Variants in PDE1A observed in about 807,000 individuals in gnomAD.
PDE1A encodes phosphodiesterase 1A.
In PDE1A, 35 loss-of-function variants were observed where a neutral mutation model predicts 61.7. The observed-to-expected ratio is 0.57, with a 90% CI of 0.43 to 0.75. The LOEUF is 0.75. Among genes scored for constraint, PDE1A ranks in the 30% least tolerant of loss-of-function variants. The pLI, the probability that PDE1A is intolerant of heterozygous loss-of-function variation, is 0.00. For synonymous variants in PDE1A, 232 were observed against 213.2 expected, an observed-to-expected ratio of 1.09 and a Z score of -0.77; for missense variants, 597 against 630.6, an observed-to-expected ratio of 0.95 and a Z score of 0.57.
intron 1 of PDE1A, among the ~76,000 whole-genome samples, chr2:182,338,624 A>C (rs1697989878): frequency 6.6e-6 from 1 of 151,950 alleles, no homozygotes; most frequent in African/African-American, 2.4e-5. Context: ...TCCCAGGTTC[A>C]GCCATTCTCC....
intron 13 of PDE1A, among the ~76,000 whole-genome samples, chr2:182,153,789 G>T (rs1315158563): frequency 1.3e-5 from 2 of 152,142 alleles, no homozygotes; most frequent in Admixed American, 6.6e-5. Flanking sequence ...ACATGGGGCT[G>T]CTCTGATTTC....
chr2:182,167,829 A>T, downstream of PDE1A: 7 of 705,116 alleles, frequency 9.9e-6, no homozygotes, highest in Non-Finnish European at 8.7e-6. Context: ...GTAAAAGATA[A>T]TTTTTTTTTT....
chr2:182,545,575 G>GT, the PDE1A span, among the ~76,000 whole-genome samples: 1 of 152,130 alleles, frequency 6.6e-6, no homozygotes, highest in African/African-American at 2.4e-5. Flanking sequence ...AGTCTTAACT[G>GT]TGACTAAGTA....
chr2:182,456,859 G>T (rs997776547), intron 2 of PDE1A, among the ~76,000 whole-genome samples: 1 of 152,024 alleles, frequency 6.6e-6, no homozygotes, highest in African/African-American at 2.4e-5. Context: ...ATATAAACAG[G>T]TTCTCTCCTA....
the PDE1A span, among the ~76,000 whole-genome samples, chr2:182,710,861 G>A: frequency 1.3e-5 from 2 of 152,104 alleles, no homozygotes; most frequent in Non-Finnish European, 2.9e-5. Context: ...CCACATCTAT[G>A]CTAACTCTAC....
At chr2:182,576,850 G>A in the PDE1A span, among the ~76,000 whole-genome samples, 160 of 152,238 alleles carry the variant, frequency 1.1e-3, no homozygotes, top group South Asian at 0.017. Context: ...TTTCTGTAAT[G>A]ATTGGTGATT....
At chr2:182,504,721 G>A (rs1286958429) in intron 2 of PDE1A, among the ~76,000 whole-genome samples, 1 of 152,152 alleles carries the variant, frequency 6.6e-6, no homozygotes, top group African/African-American at 2.4e-5. Context: ...CACTGTATGA[G>A]TATTTATCCC....
chr2:182,233,333 C>G (rs2125654592), intron 4 of PDE1A, among the ~76,000 whole-genome samples: 1 of 152,102 alleles, frequency 6.6e-6, no homozygotes, highest in Non-Finnish European at 1.5e-5. Flanking sequence ...ACTGTTCCAC[C>G]TCATCAGCAG....
the PDE1A span, among the ~76,000 whole-genome samples, chr2:182,709,870 C>A: frequency 6.6e-6 from 1 of 152,114 alleles, no homozygotes; most frequent in Admixed American, 6.5e-5. Flanking sequence ...ATCACCAAAT[C>A]GTACCTACTG....
the PDE1A span, among the ~76,000 whole-genome samples, chr2:182,633,556 G>C: frequency 6.6e-6 from 1 of 152,236 alleles, no homozygotes; most frequent in Admixed American, 6.5e-5. Flanking sequence ...AAGGAGGAGC[G>C]TTGTTAATCT....
At chr2:182,610,856 TAAC>T in the PDE1A span, among the ~76,000 whole-genome samples, 803 of 152,286 alleles carry the variant, frequency 5.3e-3, 8 homozygotes, top group African/African-American at 0.019. Flanking sequence ...CTTGAATTAT[TAAC>T]AATATAAGCT....
At chr2:182,196,302 A>G (rs1686128298) in intron 10 of PDE1A, among the ~76,000 whole-genome samples, 1 of 151,956 alleles carries the variant, frequency 6.6e-6, no homozygotes, top group Non-Finnish European at 1.5e-5. Flanking sequence ...TACTAATCTC[A>G]TGATCCTGTC....
At chr2:182,477,836 T>A (rs913017806) in intron 2 of PDE1A, among the ~76,000 whole-genome samples, 1 of 151,956 alleles carries the variant, frequency 6.6e-6, no homozygotes, top group Non-Finnish European at 1.5e-5. Context: ...TGACAGAAGC[T>A]GTATGATATA....
At chr2:182,459,527 A>G (rs1386555224) in intron 2 of PDE1A, among the ~76,000 whole-genome samples, 1 of 152,186 alleles carries the variant, frequency 6.6e-6, no homozygotes, top group African/African-American at 2.4e-5. Flanking sequence ...ATTTACTAAA[A>G]GGATACTGGG....
At chr2:182,632,770 T>C in the PDE1A span, among the ~76,000 whole-genome samples, 2 of 152,180 alleles carry the variant, frequency 1.3e-5, no homozygotes, top group East Asian at 3.8e-4. Context: ...AATACACAAG[T>C]TTACTTAGCC....
chr2:182,168,570 C>T (rs891263544), intron 13 of PDE1A, among the ~76,000 whole-genome samples: 4 of 151,994 alleles, frequency 2.6e-5, no homozygotes, highest in Non-Finnish European at 4.4e-5. Context: ...TGAATTGTTG[C>T]CTGGATTCCT....
intron 1 of PDE1A, among the ~76,000 whole-genome samples, chr2:182,306,567 A>C (rs1695599090): frequency 6.6e-6 from 1 of 152,118 alleles, no homozygotes; most frequent in Non-Finnish European, 1.5e-5. Flanking sequence ...TCCAAACTAT[A>C]ATATAAATCT....
the PDE1A span, among the ~76,000 whole-genome samples, chr2:182,610,767 AAGAG>A: frequency 2.6e-5 from 4 of 152,206 alleles, no homozygotes; most frequent in Non-Finnish European, 4.4e-5. Flanking sequence ...AACTTTGAAA[AAGAG>A]AGAAGAAAAT....
chr2:182,432,824 T>A (rs1389087468), intron 2 of PDE1A, among the ~76,000 whole-genome samples: 4 of 151,996 alleles, frequency 2.6e-5, no homozygotes, highest in African/African-American at 9.7e-5. Context: ...CTCCTTTATG[T>A]CCTCTGGTCT....
Sources: allele counts gnomAD v4.1 joint callset (sites outside exome capture counted in the v4.1 genomes callset), GRCh38; gene constraint gnomAD v4.1.1; transcripts MANE v1.5; gene names NCBI Gene and HGNC (gene_info 2026-07-23, HGNC 2026-07-21).